The following ZNF442 variants were observed in gnomAD, a reference collection of about 807,000 sequenced individuals.
The protein encoded by ZNF442 is zinc finger protein 442.
ZNF442 carries 45 observed loss-of-function variants against 57.0 expected under a neutral mutation model. That is an observed-to-expected ratio of 0.79 (90% CI 0.62 to 1.01). The LOEUF (loss-of-function observed/expected upper bound fraction) is 1.01, where lower values mean the gene tolerates loss of function less well. Ranked by LOEUF, ZNF442 falls within the 50% of genes least tolerant of loss-of-function variation. The probability of loss-of-function intolerance (pLI) is 0.00; values close to 1 mark genes in which losing one functional copy is unlikely to be tolerated. For synonymous variants in ZNF442, 213 were observed against 241.8 expected, an observed-to-expected ratio of 0.88 and a Z score of 1.10; for missense variants, 690 against 756.5, an observed-to-expected ratio of 0.91 and a Z score of 1.03.
the ZNF442 span, among the ~76,000 whole-genome samples, chr19:12,372,878 ATTC>A: frequency 6.6e-6 from 1 of 152,166 alleles, no homozygotes. Context: ...GGTTCAAGCA[ATTC>A]TTCTGCCTCA....
intron 3 of ZNF442, among the ~76,000 whole-genome samples, chr19:12,359,838 C>A (rs573852513): frequency 6.6e-6 from 1 of 152,028 alleles, no homozygotes; most frequent in Non-Finnish European, 1.5e-5. Flanking sequence ...ATTAGCCGGG[C>A]GTAGTGGCAT....
At chr19:12,363,514 T>C in intron 3 of ZNF442, 40 bp downstream of exon 3, 1 of 1,598,544 alleles carries the variant, frequency 6.3e-7, no homozygotes, top group Non-Finnish European at 8.6e-7. Context: ...GAATGGGAGG[T>C]TCTTGCACAA....
intron 3 of ZNF442, among the ~76,000 whole-genome samples, chr19:12,362,596 G>A (rs1180482827): frequency 2.1e-5 from 3 of 144,982 alleles, no homozygotes; most frequent in African/African-American, 7.6e-5. Context: ...GAGGTGGGGG[G>A]CAGCCCCCGC....
chr19:12,362,594 G>C (rs1969452228), intron 3 of ZNF442, among the ~76,000 whole-genome samples: 1 of 147,734 alleles, frequency 6.8e-6, no homozygotes, highest in African/African-American at 2.5e-5. Context: ...GGGAGGTGGG[G>C]GGCAGCCCCC....
rs543338483 is a variant in ZNF442, at chr19:12,362,495, T to C, written c.78+1059A>G. On this transcript the variant is annotated intron_variant, in intron 3 of 5. Transcript: ENST00000242804. ...GCCCCTCCGCCCAGCAGCCGCCCCG[T>C]CTGGGAAGTGAGGAATGTCTCCGCC... 1.7e-3 allele frequency among the ~76,000 whole-genome samples: 252 copies of C among 150,236 alleles called. 3 individuals carry two copies. The highest frequency in any genetic ancestry group is 8.3e-4 in the Non-Finnish European group (56 of 67,626).
upstream of ZNF442, among the ~76,000 whole-genome samples, chr19:12,367,381 C>T (rs901504277): frequency 6.6e-6 from 1 of 152,132 alleles, no homozygotes; most frequent in African/African-American, 2.4e-5. Flanking sequence ...TAAAAGATCA[C>T]AAGGCAAAGG....
chr19:12,355,417 A>G (rs1969312373), intron 3 of ZNF442, among the ~76,000 whole-genome samples: 1 of 147,130 alleles, frequency 6.8e-6, no homozygotes, highest in Non-Finnish European at 1.5e-5. Context: ...GCTGGAGTGC[A>G]ATGGCACGAT....
chr19:12,352,903 C>T lies in ZNF442; in HGVS notation c.205+85G>A, dbSNP rs570572492. ...TTGAAGGGTCAACTATATCCCCTTT[C>T]GGTATTTCAAATCATTCAACAGCAT... On this transcript the variant is annotated intron_variant, in intron 4 of 5. Coordinates refer to ENST00000242804, the MANE Select transcript of ZNF442 (RefSeq NM_030824.3). The T allele has an allele frequency of 1.2e-4, 174 of 1,508,988 alleles. 1 individual carries two copies. In the Middle Eastern group the frequency reaches 7.3e-3, roughly 64 times the overall value. 93.5% of individuals were successfully genotyped at this position (1,508,988 alleles called of 1,614,324 possible). A position where few individuals can be genotyped will look rare whatever the true frequency, so the allele number is the denominator to read the frequency against.
Position 12,350,999 on chromosome 19 carries a change from G to A in ZNF442, c.586C>T (p.Leu196Phe), listed in dbSNP as rs1187932235. 2.5e-6 allele frequency: 4 copies of A among 1,613,854 alleles called. No homozygotes were observed. The highest frequency in any genetic ancestry group is 3.4e-6 in the Non-Finnish European group (4 of 1,179,914). ...CGKTFSSSGN[L>F]RRHIIVQRGG... is the part of the protein sequence containing the mutation. ...CGTTGTACTATTATGTGTCTTCGAA[G>A]GTTTCCCGAAGAACTGAAGGTTTTC... is the stretch of plus-strand genomic sequence containing the variant. The change falls in exon 6 of 6, where the codon CTT (leucine) becomes TTT (phenylalanine). Residue 196 changes from leucine (L) to phenylalanine (F), a missense_variant. By Grantham distance (22) the Leu-to-Phe change is conservative. Transcript: ENST00000242804.
rs1358549844 is a variant in ZNF442 at position 12,347,985 on chromosome 19, G to A, written c.*1716C>T. 1.3e-5 allele frequency: 2 copies of A among 152,292 alleles called. No individual in the cohort carries two copies. Among genetic ancestry groups the A allele is most frequent in the Non-Finnish European group, 2.9e-5 (2 of 68,030 alleles). The allele number at this position is 152,292 out of a possible 1,614,324, so 9.4% of individuals were successfully genotyped here. A position where few individuals can be genotyped will look rare whatever the true frequency, so the allele number is the denominator to read the frequency against. Reference sequence around the variant, plus strand: ...TTAGAAGAGGTAATATCAAAGATGTGACACTTGAAACATGTGCAGCAGTTT... The same window carrying A: ...TTAGAAGAGGTAATATCAAAGATGTAACACTTGAAACATGTGCAGCAGTTT... On this transcript the variant is annotated 3_prime_UTR_variant, in exon 6 of 6. Coordinates refer to ENST00000242804, the MANE Select transcript of ZNF442 (RefSeq NM_030824.3).
chr19:12,355,290 C>CAA (rs1243882800), intron 3 of ZNF442, among the ~76,000 whole-genome samples: 2,655 of 55,536 alleles, frequency 0.048, 152 homozygotes, highest in African/African-American at 0.17. Context: ...GACTCCATCT[C>CAA]AAAAAAAAAA....
intron 3 of ZNF442, among the ~76,000 whole-genome samples, chr19:12,355,658 C>T (rs1405655303): frequency 4.7e-5 from 7 of 150,480 alleles, no homozygotes; most frequent in Non-Finnish European, 1.0e-4. Context: ...CGTGCCTGGC[C>T]GAGGATTTTC....
At chr19:12,373,454 A>T in the ZNF442 span, among the ~76,000 whole-genome samples, 2 of 152,164 alleles carry the variant, frequency 1.3e-5, no homozygotes, top group Non-Finnish European at 2.9e-5. Context: ...AGGTGGGAGG[A>T]TCGCTTGAGC....
chr19:12,366,635 A>G (rs1020503627), upstream of ZNF442, among the ~76,000 whole-genome samples: 2 of 151,660 alleles, frequency 1.3e-5, no homozygotes, highest in East Asian at 1.9e-4. Context: ...ATTTATTTTT[A>G]TTTTATTTTT....
chr19:12,360,144 C>T lies in ZNF442; in HGVS notation c.78+3410G>A, dbSNP rs533673310. 3.9e-5 allele frequency among the ~76,000 whole-genome samples: 6 copies of T among 152,208 alleles called. No homozygotes were observed. The South Asian group carries it at 1.2e-3, about 31-fold the overall frequency. On this transcript the variant is annotated intron_variant, in intron 3 of 5. Transcript: ENST00000242804. ...ATTTTTTTTGAGACTGAGTTTCACT[C>T]TTGTGAGCCACCGCGCCCAGCTGGG...
intron 3 of ZNF442, among the ~76,000 whole-genome samples, chr19:12,362,354 C>T (rs1197988051): frequency 2.6e-5 from 4 of 151,960 alleles, no homozygotes; most frequent in Admixed American, 6.5e-5. Flanking sequence ...ATGTGAGGAG[C>T]GCCTCTGCCC....
In ZNF442 at chr19:12,352,471, G is replaced by C. The variant is rs556653004; in HGVS notation, c.206-401C>G. ...TCTGCCTGCCTCGGCCTCCCAAAGT[G>C]CTGGGATTACAGGCGTGAGCCACCA... is the stretch of plus-strand genomic sequence containing the variant. On this transcript the variant is annotated intron_variant, in intron 4 of 5. Coordinates refer to ENST00000242804, the MANE Select transcript of ZNF442 (RefSeq NM_030824.3). Among the ~76,000 whole-genome samples, 8 of 152,164 alleles carry C rather than the reference G, an allele frequency of 5.3e-5. No homozygotes were observed. The South Asian group carries it at 1.2e-3, about 24-fold the overall frequency.
chr19:12,366,380 T>C (rs1969530571), upstream of ZNF442, among the ~76,000 whole-genome samples: 1 of 152,184 alleles, frequency 6.6e-6, no homozygotes, highest in Admixed American at 6.5e-5. Context: ...AGAAGGCAGA[T>C]TCTGACTCCT....
chr19:12,349,026 C>CAAAAAAAA lies in ZNF442; in HGVS notation c.*667_*674dup, dbSNP rs146226078. 52 of 58,998 alleles carry CAAAAAAAA rather than the reference C, an allele frequency of 8.8e-4. No homozygotes were observed. Among genetic ancestry groups the CAAAAAAAA allele is most frequent in the Non-Finnish European group, 9.8e-4 (27 of 27,494 alleles). The allele number at this position is 58,998 out of a possible 1,614,324, so 3.7% of individuals were successfully genotyped here. A position where few individuals can be genotyped will look rare whatever the true frequency, so the allele number is the denominator to read the frequency against. The stretch of plus-strand genomic sequence containing the variant: ...TGAAACCCCGTCTCTACTAAAAATA[C>CAAAAAAAA]AAAAAAAAAAAAAAAAAAAAAAAAA... On this transcript the variant is annotated 3_prime_UTR_variant, in exon 6 of 6. Transcript: ENST00000242804.
Sources: gnomAD v4.1 joint callset for allele counts (sites outside exome capture counted in the v4.1 genomes callset) on GRCh38, gnomAD v4.1.1 for gene constraint, MANE v1.5 for transcripts, NCBI Gene and HGNC (gene_info 2026-07-23, HGNC 2026-07-21) for gene names.